Variants in COMMD1 observed in about 807,000 individuals in gnomAD.
COMMD1 encodes copper metabolism domain containing 1.
Under a neutral mutation model 17.2 loss-of-function variants are expected in COMMD1, and 10 were observed. The ratio of observed to expected loss-of-function variants is 0.58; its 90% confidence interval spans 0.36 to 0.99. The LOEUF is 0.99. COMMD1 is among the 50% of genes least tolerant of loss of function. The probability of loss-of-function intolerance (pLI) is 0.01; values close to 1 mark genes in which losing one functional copy is unlikely to be tolerated. For synonymous variants in COMMD1, 97 were observed against 91.6 expected (o/e 1.06, Z -0.34); for missense variants, 270 against 231.8 (o/e 1.17, Z -1.07).
At position 61,963,168 on chromosome 2, in the gene COMMD1, A is replaced by AT. The variant is rs1308001570; in HGVS notation, c.181-37533_181-37532insT. Among the ~76,000 whole-genome samples the AT allele has an allele frequency of 3.1e-3, 443 of 142,804 alleles. 5 individuals are homozygous for AT. Among genetic ancestry groups the AT allele is most frequent in the Non-Finnish European group, 5.3e-3 (351 of 66,722 alleles). 93.7% of individuals were successfully genotyped at this position (142,804 alleles called of 152,430 possible). On this transcript the variant is annotated intron_variant, in intron 1 of 2. Coordinates refer to ENST00000311832, the MANE Select transcript of COMMD1 (RefSeq NM_152516.4). ...GAGTGAGACCCTGTCTCAAAAAAAA[A>AT]AATATATATATATATATTATATACA...
In COMMD1 at chr2:61,912,690, G is replaced by A. The variant is rs568610869; in HGVS notation, c.180+6832G>A. Among the ~76,000 whole-genome samples the A allele has an allele frequency of 6.6e-5, 10 of 150,914 alleles. No individual in the cohort carries two copies. The East Asian group carries it at 1.4e-3, about 21-fold the overall frequency. On this transcript the variant is annotated intron_variant, in intron 1 of 2. Coordinates refer to ENST00000311832, the MANE Select transcript of COMMD1 (RefSeq NM_152516.4). ...GTGGAGGTTGCAGTGAGCCGAGATC[G>A]TGCCACTGCACTCCAGCCTGGCGAC...
At chr2:61,891,302 T>G (rs1029253530) in intron 1 of COMMD1, among the ~76,000 whole-genome samples, 2 of 152,266 alleles carry the variant, frequency 1.3e-5, no homozygotes, top group Admixed American at 6.5e-5. Flanking sequence ...ATGTTTCAAG[T>G]TACAAACATT....
chr2:61,924,443 A>T (rs1261273568), intron 1 of COMMD1, among the ~76,000 whole-genome samples: 1 of 151,140 alleles, frequency 6.6e-6, no homozygotes, highest in African/African-American at 2.4e-5. Flanking sequence ...GTGGGGGGTC[A>T]TGCTGTTCGG....
chr2:62,051,196 T>A (rs1670523429), intron 2 of COMMD1, among the ~76,000 whole-genome samples: 1 of 152,140 alleles, frequency 6.6e-6, no homozygotes, highest in Non-Finnish European at 1.5e-5. Flanking sequence ...TTAGATAGGC[T>A]CAGTATATTT....
chr2:61,901,255 T>G (rs555048165), upstream of COMMD1, among the ~76,000 whole-genome samples: 3 of 151,452 alleles, frequency 2.0e-5, no homozygotes, highest in South Asian at 6.3e-4. Context: ...CCAAAACACA[T>G]TTTTTTAAAA....
intron 2 of COMMD1, among the ~76,000 whole-genome samples, chr2:62,108,117 A>G (rs1392647964): frequency 4.6e-5 from 7 of 152,202 alleles, no homozygotes; most frequent in Non-Finnish European, 8.8e-5. Context: ...GCCCTGCTTA[A>G]TATTTACTTC....
At chr2:61,975,505 A>G (rs1236044876) in intron 1 of COMMD1, among the ~76,000 whole-genome samples, 2 of 152,138 alleles carry the variant, frequency 1.3e-5, no homozygotes, top group African/African-American at 4.8e-5. Context: ...TGAGAGTTCC[A>G]GTTGTTCCAC....
Position 62,122,557 on chromosome 2 carries a change from C to T in COMMD1, c.463-13274C>T, listed in dbSNP as rs1284073157. Among the ~76,000 whole-genome samples the T allele has an allele frequency of 7.3e-5, 11 of 150,852 alleles. No individual in the cohort carries two copies. In the Middle Eastern group the frequency reaches 0.027, roughly 373 times the overall value. Reference sequence around the variant, plus strand: ...TGTATGTCAGACTGCTTTGAAATCTCTAGGAAAAAAAGAATAGTGATTACT... The same window carrying T: ...TGTATGTCAGACTGCTTTGAAATCTTTAGGAAAAAAAGAATAGTGATTACT... On this transcript the variant is annotated intron_variant, in intron 2 of 2. Coordinates refer to ENST00000311832, the MANE Select transcript of COMMD1 (RefSeq NM_152516.4).
chr2:61,976,821 G>C (rs564476237), intron 1 of COMMD1, among the ~76,000 whole-genome samples: 1 of 152,122 alleles, frequency 6.6e-6, no homozygotes, highest in East Asian at 1.9e-4. Flanking sequence ...ATGTACCACA[G>C]TGATGTGGGA....
chr2:62,049,838 C>T (rs10518958), intron 2 of COMMD1, among the ~76,000 whole-genome samples: 12,712 of 152,020 alleles, frequency 0.084, 704 homozygotes, highest in Non-Finnish European at 0.11. Flanking sequence ...GGGATAATGG[C>T]TAAGGTTGGA....
At position 62,067,881 on chromosome 2, in the gene COMMD1, C is replaced by T. The variant is rs149372831; in HGVS notation, c.462+66899C>T. Among the ~76,000 whole-genome samples the T allele has an allele frequency of 5.6e-4, 85 of 152,226 alleles. 1 individual carries two copies. The highest frequency in any genetic ancestry group is 2.0e-3 in the African/African-American group (81 of 41,538). On this transcript the variant is annotated intron_variant, in intron 2 of 2. Coordinates refer to ENST00000311832, the MANE Select transcript of COMMD1 (RefSeq NM_152516.4). ...TTAAAATACTCAGTATGCCAAGGTG[C>T]CGTATTTTGAGGTACAGTGTTCTGT...
chr2:61,963,958 G>C lies in COMMD1; in HGVS notation c.181-36743G>C, dbSNP rs184224543. 3.0e-4 allele frequency among the ~76,000 whole-genome samples: 45 copies of C among 152,266 alleles called. 1 individual carries two copies. Among genetic ancestry groups the C allele is most frequent in the Admixed American group, 2.1e-3 (32 of 15,296 alleles). ...ATGGAAAACTACAGTCTTCCACCAGGGTTGGTGATGGGATGGTGGCTGGGC... is the reference window on the plus strand; with the variant it reads ...ATGGAAAACTACAGTCTTCCACCAGCGTTGGTGATGGGATGGTGGCTGGGC... On this transcript the variant is annotated intron_variant, in intron 1 of 2. Transcript: ENST00000311832.
chr2:61,967,217 C>T (rs1032097151), intron 1 of COMMD1, among the ~76,000 whole-genome samples: 2 of 152,114 alleles, frequency 1.3e-5, no homozygotes, highest in Admixed American at 6.6e-5. Flanking sequence ...GTGCTTCTTA[C>T]ATTTAAGAAG....
At chr2:61,967,808 C>T (rs1671542675) in intron 1 of COMMD1, among the ~76,000 whole-genome samples, 1 of 152,120 alleles carries the variant, frequency 6.6e-6, no homozygotes, top group Admixed American at 6.5e-5. Context: ...TCCTGAATGT[C>T]AATTGAGAAC....
rs556547882 is a variant in COMMD1, at chr2:62,014,249, G to A, written c.462+13267G>A. ...TGTTTCTATTCTTGCAGACAGATGG[G>A]GTGCTTGAGAGGAAGCCAGGAAGCC... On this transcript the variant is annotated intron_variant, in intron 2 of 2. Coordinates refer to ENST00000311832, the MANE Select transcript of COMMD1 (RefSeq NM_152516.4). 1.1e-4 allele frequency among the ~76,000 whole-genome samples: 17 copies of A among 152,258 alleles called. 1 individual carries two copies. The South Asian group carries it at 3.1e-3, about 28-fold the overall frequency.
At chr2:61,923,563 A>G (rs1192910464) in intron 1 of COMMD1, among the ~76,000 whole-genome samples, 1 of 152,106 alleles carries the variant, frequency 6.6e-6, no homozygotes. Context: ...AGGAAGAACA[A>G]CATTAAGACA....
intron 2 of COMMD1, among the ~76,000 whole-genome samples, chr2:62,074,085 G>A (rs1475548583): frequency 6.6e-6 from 1 of 152,154 alleles, no homozygotes. Context: ...AACAGGTAGG[G>A]TGAAGTCTAG....
In COMMD1 at chr2:62,021,956, C is replaced by T. The variant is rs372215452; in HGVS notation, c.462+20974C>T. Among the ~76,000 whole-genome samples, 99 of 150,806 alleles carry T rather than the reference C, an allele frequency of 6.6e-4. No homozygotes were observed. In the South Asian group the frequency reaches 0.021, roughly 31 times the overall value. On this transcript the variant is annotated intron_variant, in intron 2 of 2. Coordinates refer to ENST00000311832, the MANE Select transcript of COMMD1 (RefSeq NM_152516.4). ...ATGTCTTTTCACTTTCTCGATAATG[C>T]TCTTTGATGTACAAAGGTTTTTAAT...
chr2:62,063,868 A>ATATATATATATATATAT (rs1670947199), intron 2 of COMMD1, among the ~76,000 whole-genome samples: 1 of 81,174 alleles, frequency 1.2e-5, no homozygotes, highest in Admixed American at 1.3e-4. Flanking sequence ...GTCTCTACAA[A>ATATATATATATATATAT]ATATATATAT....
Sources: allele counts gnomAD v4.1 joint callset (sites outside exome capture counted in the v4.1 genomes callset), GRCh38; gene constraint gnomAD v4.1.1; transcripts MANE v1.5; gene names NCBI Gene and HGNC (gene_info 2026-07-23, HGNC 2026-07-21).